Variants in PAPPA2 observed in about 807,000 individuals in gnomAD.
PAPPA2 encodes pappalysin 2.
PAPPA2 carries 86 observed loss-of-function variants against 176.4 expected under a neutral mutation model. The ratio of observed to expected loss-of-function variants is 0.49; its 90% confidence interval spans 0.41 to 0.58. The LOEUF (loss-of-function observed/expected upper bound fraction) is 0.58, where lower values mean the gene tolerates loss of function less well. Ranked by LOEUF, PAPPA2 falls within the 20% of genes least tolerant of loss-of-function variation. The pLI, the probability that PAPPA2 is intolerant of heterozygous loss-of-function variation, is 0.00. For synonymous variants in PAPPA2, 809 were observed against 852.2 expected (o/e 0.95, Z 0.88); for missense variants, 2,073 against 2,256.9 (o/e 0.92, Z 1.65).
intron 12 of PAPPA2, among the ~76,000 whole-genome samples, chr1:176,728,481 T>G (rs1661984881): frequency 6.6e-6 from 1 of 151,822 alleles, no homozygotes; most frequent in South Asian, 2.1e-4. Flanking sequence ...ATTTGAAATA[T>G]CTCTATGAAG....
At chr1:176,764,735 T>A (rs1450107776) in intron 14 of PAPPA2, among the ~76,000 whole-genome samples, 1 of 152,152 alleles carries the variant, frequency 6.6e-6, no homozygotes, top group Non-Finnish European at 1.5e-5. Context: ...TAGCTGGGAC[T>A]ACAGGTGCCT....
At chr1:176,749,624 G>A (rs753024183) in intron 14 of PAPPA2, among the ~76,000 whole-genome samples, 8 of 152,102 alleles carry the variant, frequency 5.3e-5, no homozygotes, top group Non-Finnish European at 1.5e-5. Flanking sequence ...CATCCCTGCT[G>A]TCCCAAACTT....
At chr1:176,540,905 C>T (rs900550278) in intron 1 of PAPPA2, among the ~76,000 whole-genome samples, 6 of 152,166 alleles carry the variant, frequency 3.9e-5, no homozygotes, top group African/African-American at 1.4e-4. Context: ...AAGAAGTTCT[C>T]AAATCCTATG....
In PAPPA2 at chr1:176,478,276, T is replaced by C. The variant is rs558406496; in HGVS notation, c.-917+14858T>C. Among the ~76,000 whole-genome samples, 9 of 152,342 alleles carry C rather than the reference T, an allele frequency of 5.9e-5. 1 individual carries two copies. The East Asian group carries it at 1.7e-3, about 29-fold the overall frequency. On this transcript the variant is annotated intron_variant, in intron 1 of 22. Transcript: ENST00000367662. Reference sequence around the variant, plus strand: ...ATGGAATATATTCTGATATAAAAAATTCCTTTTAAAAATTACTTGAATGTA... The same window carrying C: ...ATGGAATATATTCTGATATAAAAAACTCCTTTTAAAAATTACTTGAATGTA...
In PAPPA2 at chr1:176,665,303, G is replaced by A. The variant is rs76213706; in HGVS notation, c.1992-5667G>A. Among the ~76,000 whole-genome samples, 355 of 152,164 alleles carry A rather than the reference G, an allele frequency of 2.3e-3. 1 individual carries two copies. The highest frequency in any genetic ancestry group is 7.2e-3 in the African/African-American group (299 of 41,520). On this transcript the variant is annotated intron_variant, in intron 3 of 22. Transcript: ENST00000367662. ...TTTACAATTCATGCCCACCAGTTCTGTGGCTCTCCTGCTATTTACCATTGG... is the reference window on the plus strand; with the variant it reads ...TTTACAATTCATGCCCACCAGTTCTATGGCTCTCCTGCTATTTACCATTGG...
intron 2 of PAPPA2, 122 bp downstream of exon 2, chr1:176,557,363 C>A: frequency 1.7e-6 from 2 of 1,159,686 alleles, no homozygotes; most frequent in African/African-American, 1.6e-5. Flanking sequence ...AAAGGGCTAG[C>A]CAGGGAGAGG....
intron 4 of PAPPA2, among the ~76,000 whole-genome samples, chr1:176,671,738 A>G (rs1259735326): frequency 6.6e-6 from 1 of 152,142 alleles, no homozygotes; most frequent in African/African-American, 2.4e-5. Context: ...GCCATAAAAA[A>G]TGATGAGTTC....
At chr1:176,629,056 G>C (rs906891392) in intron 3 of PAPPA2, among the ~76,000 whole-genome samples, 2 of 152,192 alleles carry the variant, frequency 1.3e-5, no homozygotes, top group Admixed American at 1.3e-4. Context: ...TTCTCAGAGA[G>C]AGACATTTAC....
At chr1:176,683,344 G>A (rs1156787184) in intron 4 of PAPPA2, among the ~76,000 whole-genome samples, 1 of 152,084 alleles carries the variant, frequency 6.6e-6, no homozygotes, top group Non-Finnish European at 1.5e-5. Flanking sequence ...GTCCATTAAG[G>A]AACAGCTGTA....
At chr1:176,584,570 TA>T (rs1558453195) in intron 2 of PAPPA2, among the ~76,000 whole-genome samples, 2 of 152,138 alleles carry the variant, frequency 1.3e-5, no homozygotes, top group Non-Finnish European at 2.9e-5. Context: ...TTGGATCTTT[TA>T]AAAATCCCTT....
intron 1 of PAPPA2, among the ~76,000 whole-genome samples, chr1:176,480,615 A>C (rs1284844056): frequency 1.3e-5 from 2 of 152,136 alleles, no homozygotes; most frequent in Middle Eastern, 3.2e-3. Context: ...TCTGCTGGGC[A>C]AGGTCTGCCC....
intron 1 of PAPPA2, among the ~76,000 whole-genome samples, chr1:176,510,013 G>A (rs2102521457): frequency 6.6e-6 from 1 of 152,128 alleles, no homozygotes; most frequent in Non-Finnish European, 1.5e-5. Flanking sequence ...CAGCCTGGGT[G>A]ACAGAGTGAG....
At chr1:176,668,674 C>T (rs927327536) in intron 3 of PAPPA2, among the ~76,000 whole-genome samples, 2 of 152,074 alleles carry the variant, frequency 1.3e-5, no homozygotes, top group South Asian at 4.2e-4. Context: ...TGTTTACTCT[C>T]GTTGGTTTAG....
chr1:176,702,557 C>A lies in PAPPA2; in HGVS notation c.3237-50C>A, dbSNP rs1329735662. 11 of 1,604,502 alleles carry A rather than the reference C, an allele frequency of 6.9e-6. No homozygotes were observed. In the South Asian group the frequency reaches 1.1e-4, roughly 16 times the overall value. ...TGAACCATCAACAAAGGACCCAGGGCATGCCTCACTTTGTGGCTGTAGTGG... is the reference window on the plus strand; with the variant it reads ...TGAACCATCAACAAAGGACCCAGGGAATGCCTCACTTTGTGGCTGTAGTGG... On this transcript the variant is annotated intron_variant, in intron 8 of 22. Transcript: ENST00000367662.
intron 3 of PAPPA2, among the ~76,000 whole-genome samples, chr1:176,670,477 T>C (rs1278392446): frequency 6.6e-6 from 1 of 152,206 alleles, no homozygotes; most frequent in Non-Finnish European, 1.5e-5. Context: ...TTTTACTTTA[T>C]GTTTTCTATC....
At chr1:176,602,191 CTA>C (rs1308445566) in intron 3 of PAPPA2, among the ~76,000 whole-genome samples, 1 of 152,196 alleles carries the variant, frequency 6.6e-6, no homozygotes. Context: ...GCTAACATCT[CTA>C]TGTGTTGGCA....
chr1:176,555,085 A>T (rs1314834008), intron 1 of PAPPA2, among the ~76,000 whole-genome samples: 1 of 151,732 alleles, frequency 6.6e-6, no homozygotes, highest in Non-Finnish European at 1.5e-5. Flanking sequence ...TTGATTGTGT[A>T]GGCTGCGGCT....
rs750277905 is a variant in PAPPA2 at position 176,556,452 on chromosome 1, C to G, written c.130C>G (p.Leu44Val). Residue 44 changes from leucine (L) to valine (V), a missense_variant, in exon 2 of 23, where the codon CTG becomes GTG. Transcript: ENST00000367662. ...TGAGAGGGAACACCTGAATCAGGTG[C>G]TGTTGGAAGGAGAACGTTGTTGGCT... The part of the protein sequence containing the change: ...LVEREHLNQV[L>V]LEGERCWLGA... 2 of 1,614,178 alleles carry G rather than the reference C, an allele frequency of 1.2e-6. No individual in the cohort carries two copies. The highest frequency in any genetic ancestry group is 1.7e-6 in the Non-Finnish European group (2 of 1,180,046).
chr1:176,765,147 G>A (rs1458141959), intron 14 of PAPPA2, among the ~76,000 whole-genome samples: 4 of 152,152 alleles, frequency 2.6e-5, no homozygotes, highest in South Asian at 4.1e-4. Flanking sequence ...CATACCAATC[G>A]GTTAATTGGT....
Sources: gnomAD v4.1 joint callset for allele counts (sites outside exome capture counted in the v4.1 genomes callset) on GRCh38, gnomAD v4.1.1 for gene constraint, MANE v1.5 for transcripts, NCBI Gene and HGNC (gene_info 2026-07-23, HGNC 2026-07-21) for gene names.